Variants in RADIL observed in about 807,000 individuals in gnomAD.
The protein encoded by RADIL is Rap associating with DIL domain, also known as ras-associating and dilute domain-containing protein.
RADIL carries 99 observed loss-of-function variants against 97.6 expected under a neutral mutation model. The observed-to-expected ratio is 1.01, with a 90% CI of 0.86 to 1.20. The LOEUF (loss-of-function observed/expected upper bound fraction) is 1.20. Ranked by LOEUF, RADIL falls within the 50% of genes most tolerant of loss-of-function variation. The probability of loss-of-function intolerance (pLI) is 0.00; values close to 1 mark genes in which losing one functional copy is unlikely to be tolerated. For synonymous variants in RADIL, 803 were observed against 691.8 expected, an observed-to-expected ratio of 1.16 and a Z score of -2.52; for missense variants, 1,765 against 1,498.9, an observed-to-expected ratio of 1.18 and a Z score of -2.93.
chr7:4,880,234 T>A lies in RADIL; in HGVS notation c.-64-2031A>T, dbSNP rs1485982687. ...AAGGAGTAAAGGAGCAAAGCCTTTG[T>A]TTCTCTTCCTCTGAGGAAGGTGCAA... On this transcript the variant is annotated intron_variant, in intron 1 of 14. Transcript: ENST00000399583. The surrounding 1 kb of genome is among the most constrained non-coding windows in gnomAD (Gnocchi z 4.5). Among the ~76,000 whole-genome samples, 1 of 152,142 alleles carries A rather than the reference T, an allele frequency of 6.6e-6. No homozygotes were observed. The highest frequency in any genetic ancestry group is 2.4e-5 in the African/African-American group (1 of 41,440).
rs6977412 is a variant in RADIL at position 4,800,153 on chromosome 7, G to C, written c.2982+18C>G. ...GGCAGCCAGTATGGGGGTGCGGCGA[G>C]GGTCCTGGGCCACTCACCATCCCGT... On this transcript the variant is annotated intron_variant, in intron 13 of 14. Transcript: ENST00000399583. 1.3e-6 allele frequency: 2 copies of C among 1,597,218 alleles called. No individual in the cohort carries two copies. Among genetic ancestry groups the C allele is most frequent in the Non-Finnish European group, 1.7e-6 (2 of 1,175,888 alleles).
In RADIL at chr7:4,799,422, C is replaced by T. The variant is rs747213896; in HGVS notation, c.3184G>A (p.Val1062Met). ...KMRFLVAKSD[V>M]ETAKKIHFRT... ...AAATGGATCTTCTTGGCTGTTTCCA[C>T]GTCGGACTTCGCGACCAGGAACCGC... Residue 1062 changes from valine to methionine, a missense_variant, in exon 15 of 15, where the codon GTG (valine) becomes ATG (methionine). Coordinates refer to ENST00000399583, the MANE Select transcript of RADIL (RefSeq NM_018059.5). 72 of 1,613,666 alleles carry T rather than the reference C, an allele frequency of 4.5e-5. No homozygotes were observed. Among genetic ancestry groups the T allele is most frequent in the Middle Eastern group, 1.6e-4 (1 of 6,084 alleles).
chr7:4,820,763 A>C (rs1782809685), intron 6 of RADIL, among the ~76,000 whole-genome samples: 1 of 152,128 alleles, frequency 6.6e-6, no homozygotes, highest in African/African-American at 2.4e-5. Flanking sequence ...ACGCGCCCTC[A>C]GTCCAGCCTG....
chr7:4,820,735 G>A (rs1339007481), intron 6 of RADIL, among the ~76,000 whole-genome samples: 1 of 152,178 alleles, frequency 6.6e-6, no homozygotes, highest in East Asian at 1.9e-4. Context: ...CATGGCCAGG[G>A]CCAGCCCGGC....
intron 2 of RADIL, chr7:4,861,860 G>GTCCCCCACCACCGCGACCTTCC: frequency 1.8e-6 from 1 of 544,562 alleles, no homozygotes; most frequent in Non-Finnish European, 2.3e-6. Context: ...CGCGACCTTC[G>GTCCCCCACCACCGCGACCTTCC]CGGCCGCCGC....
chr7:4,875,745 G>A (rs763726291), intron 2 of RADIL, among the ~76,000 whole-genome samples: 2 of 152,124 alleles, frequency 1.3e-5, no homozygotes, highest in African/African-American at 4.8e-5. Flanking sequence ...CCCACCATGC[G>A]CCTCCTCCCT....
chr7:4,811,428 T>C (rs1268139068), intron 9 of RADIL: 4 of 151,316 alleles, frequency 2.6e-5, no homozygotes, highest in Admixed American at 2.6e-4. Flanking sequence ...TGAGGTAGGG[T>C]TTCCTCTTTT....
intron 2 of RADIL, among the ~76,000 whole-genome samples, chr7:4,856,189 C>T (rs1783826231): frequency 6.6e-6 from 1 of 152,094 alleles, no homozygotes; most frequent in Admixed American, 6.6e-5. Context: ...CCTTCACCTC[C>T]TGGGTTCAAG....
At position 4,814,362 on chromosome 7, in the gene RADIL, A is replaced by G. The variant is rs1333171114; in HGVS notation, c.2139+916T>C. On this transcript the variant is annotated intron_variant, in intron 9 of 14. Coordinates refer to ENST00000399583, the MANE Select transcript of RADIL (RefSeq NM_018059.5). The surrounding 1 kb of genome is among the most constrained non-coding windows in gnomAD (Gnocchi z 4.5). ...GAGACAGGGCCTCACTTTGTCGCTC[A>G]AGGTGGAGTGCAGTGGCATGATCTC... Among the ~76,000 whole-genome samples, 1 of 152,094 alleles carries G rather than the reference A, an allele frequency of 6.6e-6. No homozygotes were observed. Among genetic ancestry groups the G allele is most frequent in the African/African-American group, 2.4e-5 (1 of 41,390 alleles).
intron 5 of RADIL, among the ~76,000 whole-genome samples, chr7:4,823,770 C>T (rs2115201969): frequency 6.6e-6 from 1 of 152,336 alleles, no homozygotes; most frequent in East Asian, 1.9e-4. Context: ...CTTGACACTG[C>T]CTTCTAGTGT....
At chr7:4,871,549 C>T (rs956190075) in intron 2 of RADIL, among the ~76,000 whole-genome samples, 7 of 152,206 alleles carry the variant, frequency 4.6e-5, no homozygotes, top group African/African-American at 1.7e-4. Context: ...ACCCGCCTGC[C>T]AGCTCCATCG....
chr7:4,816,885 G>A (rs1334902419), intron 7 of RADIL, among the ~76,000 whole-genome samples: 1 of 152,162 alleles, frequency 6.6e-6, no homozygotes, highest in African/African-American at 2.4e-5. Flanking sequence ...CAGCACCTCT[G>A]GCACCCGTGG....
chr7:4,876,843 C>G (rs74743711), intron 2 of RADIL, among the ~76,000 whole-genome samples: 1 of 152,334 alleles, frequency 6.6e-6, no homozygotes, highest in Non-Finnish European at 1.5e-5. Context: ...CTGAGTGCAC[C>G]GTGGTCACCT....
chr7:4,833,166 C>T (rs1430562980), intron 4 of RADIL, among the ~76,000 whole-genome samples: 5 of 152,160 alleles, frequency 3.3e-5, no homozygotes, highest in Non-Finnish European at 7.4e-5. Flanking sequence ...GACCCGGGTC[C>T]CTCAGCAAGT....
chr7:4,848,866 T>C (rs934044751), intron 2 of RADIL, among the ~76,000 whole-genome samples: 1 of 152,104 alleles, frequency 6.6e-6, no homozygotes, highest in East Asian at 1.9e-4. Context: ...AGGCCGGGCA[T>C]GGTGGCTCAC....
intron 2 of RADIL, chr7:4,859,772 G>C: frequency 1.6e-6 from 1 of 633,098 alleles, no homozygotes. Context: ...GAGGCCAATA[G>C]AGAAGATGCT....
chr7:4,823,091 C>T (rs1397758446), intron 5 of RADIL, among the ~76,000 whole-genome samples: 4 of 152,076 alleles, frequency 2.6e-5, no homozygotes, highest in African/African-American at 2.4e-5. Flanking sequence ...CAGAAAATCA[C>T]GTGTAAAGTC....
chr7:4,827,407 C>A (rs1195446767), intron 5 of RADIL, among the ~76,000 whole-genome samples: 1 of 151,462 alleles, frequency 6.6e-6, no homozygotes, highest in East Asian at 1.9e-4. Flanking sequence ...CGCCTGTAAT[C>A]CCAGCACTTT....
rs1261031289 is a variant in RADIL at position 4,819,644 on chromosome 7, G to A, written c.1616-2293C>T. ...AGCTTTGTACAAAACAGTGTTTGCG[G>A]AATGACAACAGCCACGTGACCCACC... On this transcript the variant is annotated intron_variant, in intron 6 of 14. Transcript: ENST00000399583. This position sits in a 1 kb window ranked among gnomAD's most constrained non-coding sequence, Gnocchi z 5.8. Among the ~76,000 whole-genome samples the A allele has an allele frequency of 2.6e-5, 4 of 152,208 alleles. No homozygotes were observed. The highest frequency in any genetic ancestry group is 5.9e-5 in the Non-Finnish European group (4 of 68,038).
Sources: allele counts gnomAD v4.1 joint callset (sites outside exome capture counted in the v4.1 genomes callset), GRCh38; gene constraint gnomAD v4.1.1; non-coding constraint Gnocchi (gnomAD v3.1); transcripts MANE v1.5; gene names NCBI Gene and HGNC (gene_info 2026-07-23, HGNC 2026-07-21).